Variants in FGF14 observed in about 807,000 individuals in gnomAD.
The protein encoded by FGF14 is fibroblast growth factor homologous factor 4.
Under a neutral mutation model 25.5 loss-of-function variants are expected in FGF14, and 5 were observed. The observed-to-expected ratio is 0.20, with a 90% CI of 0.10 to 0.41. FGF14 has a LOEUF of 0.41. Ranked by LOEUF, FGF14 falls within the 10% of genes least tolerant of loss-of-function variation. FGF14 has a pLI of 1.00. For missense variants in FGF14, 222 were observed against 320.1 expected, an observed-to-expected ratio of 0.69 and a Z score of 2.34; for synonymous variants, 138 against 118.3, an observed-to-expected ratio of 1.17 and a Z score of -1.08.
At chr13:101,824,888 C>T (rs1335703260) in intron 3 of FGF14, among the ~76,000 whole-genome samples, 1 of 152,178 alleles carries the variant, frequency 6.6e-6, no homozygotes, top group African/African-American at 2.4e-5. Flanking sequence ...TGGAGAGCTT[C>T]CGGGTTGCTA....
At chr13:101,774,623 G>T (rs902192007) in intron 3 of FGF14, among the ~76,000 whole-genome samples, 17 of 152,136 alleles carry the variant, frequency 1.1e-4, no homozygotes, top group African/African-American at 4.1e-4. Flanking sequence ...TGTTTAAACA[G>T]CAGTGAATAT....
At chr13:102,247,635 TTG>T in intron 1 of FGF14, among the ~76,000 whole-genome samples, 1 of 152,296 alleles carries the variant, frequency 6.6e-6, no homozygotes, top group Admixed American at 6.5e-5. Context: ...TTATACACTG[TTG>T]GAGGAAGTAT....
At chr13:102,142,844 G>A (rs1242256311) in intron 1 of FGF14, among the ~76,000 whole-genome samples, 11 of 152,190 alleles carry the variant, frequency 7.2e-5, no homozygotes, top group Admixed American at 7.2e-4. Context: ...TAAACAAGGA[G>A]TTAATAGATG....
At chr13:101,771,778 C>G (rs2038788491) in intron 3 of FGF14, among the ~76,000 whole-genome samples, 1 of 151,682 alleles carries the variant, frequency 6.6e-6, no homozygotes, top group Non-Finnish European at 1.5e-5. Flanking sequence ...GTTTTAGATT[C>G]CTTTTTTTTG....
chr13:101,969,380 G>A (rs775677651), intron 1 of FGF14, among the ~76,000 whole-genome samples: 7 of 152,230 alleles, frequency 4.6e-5, no homozygotes, highest in South Asian at 2.1e-4. Flanking sequence ...TGGCTAACAC[G>A]GTGAATCCCC....
intron 1 of FGF14, among the ~76,000 whole-genome samples, chr13:102,102,005 GT>G (rs2044686572): frequency 6.6e-6 from 1 of 152,046 alleles, no homozygotes; most frequent in Non-Finnish European, 1.5e-5. Flanking sequence ...ACCCAGCCTA[GT>G]TTTCCTTTAT....
At chr13:101,858,654 C>T (rs913035402) in intron 3 of FGF14, among the ~76,000 whole-genome samples, 1 of 152,002 alleles carries the variant, frequency 6.6e-6, no homozygotes, top group African/African-American at 2.4e-5. Context: ...AATGTTGTTA[C>T]TATTTACAGT....
chr13:102,073,968 C>T (rs911282187), intron 1 of FGF14, among the ~76,000 whole-genome samples: 1 of 152,196 alleles, frequency 6.6e-6, no homozygotes, highest in South Asian at 2.1e-4. Flanking sequence ...TCTCTCTGCC[C>T]TTCCCAACAA....
At chr13:102,384,142 T>A (rs1364864804) in intron 1 of FGF14, among the ~76,000 whole-genome samples, 3 of 144,382 alleles carry the variant, frequency 2.1e-5, no homozygotes, top group African/African-American at 8.5e-5. Flanking sequence ...TGATTTATAA[T>A]TTTTTTTTGA....
intron 1 of FGF14, among the ~76,000 whole-genome samples, chr13:102,306,206 T>C (rs1217369486): frequency 6.6e-6 from 1 of 152,182 alleles, no homozygotes; most frequent in Admixed American, 6.5e-5. Flanking sequence ...ATTAGACAAA[T>C]ACTCTTCTTC....
chr13:102,059,426 T>A (rs899125346), intron 1 of FGF14, among the ~76,000 whole-genome samples: 6 of 152,196 alleles, frequency 3.9e-5, no homozygotes, highest in African/African-American at 1.4e-4. Flanking sequence ...TCACATGCTT[T>A]CTCAATAGCC....
At chr13:102,143,983 A>T (rs898938894) in intron 1 of FGF14, among the ~76,000 whole-genome samples, 1 of 152,118 alleles carries the variant, frequency 6.6e-6, no homozygotes, top group Non-Finnish European at 1.5e-5. Context: ...AATGCCCTCA[A>T]ATTTTAAAGC....
chr13:101,878,750 T>TA (rs1166259891), intron 1 of FGF14, among the ~76,000 whole-genome samples: 1 of 152,078 alleles, frequency 6.6e-6, no homozygotes, highest in Non-Finnish European at 1.5e-5. Context: ...GTTACTAGGA[T>TA]AAAAAATGAA....
chr13:101,863,967 G>A (rs3918326), intron 3 of FGF14, among the ~76,000 whole-genome samples: 40,077 of 151,890 alleles, frequency 0.26, 5,528 homozygotes, highest in South Asian at 0.35. Context: ...GAGGGCAGGT[G>A]AAACCACCTT....
intron 3 of FGF14, among the ~76,000 whole-genome samples, chr13:101,795,275 CTGCCCT>C (rs71689628): frequency 0.024 from 3,596 of 152,184 alleles, 131 homozygotes; most frequent in African/African-American, 0.082. Flanking sequence ...TTGCCAAATG[CTGCCCT>C]AAGCTGTTGT....
At chr13:101,776,832 TG>T (rs962742552) in intron 3 of FGF14, among the ~76,000 whole-genome samples, 36 of 152,232 alleles carry the variant, frequency 2.4e-4, no homozygotes, top group Non-Finnish European at 4.4e-5. Flanking sequence ...TTCTGGAGGC[TG>T]GGAAGTTCAA....
At chr13:101,971,840 T>G (rs966852397) in intron 1 of FGF14, among the ~76,000 whole-genome samples, 2 of 152,230 alleles carry the variant, frequency 1.3e-5, no homozygotes, top group African/African-American at 4.8e-5. Context: ...CTGTCCCTTA[T>G]AAAATCAAGT....
intron 1 of FGF14, among the ~76,000 whole-genome samples, chr13:101,881,513 C>G (rs1047885377): frequency 2.8e-4 from 43 of 152,012 alleles, no homozygotes; most frequent in African/African-American, 1.0e-3. Flanking sequence ...AAATTAAATC[C>G]TAAATATCAA....
At chr13:101,994,910 T>C (rs1289857998) in intron 1 of FGF14, among the ~76,000 whole-genome samples, 1 of 152,096 alleles carries the variant, frequency 6.6e-6, no homozygotes, top group Non-Finnish European at 1.5e-5. Context: ...AGGCGTTACA[T>C]ATGCATACAT....
Sources: allele counts gnomAD v4.1 joint callset (sites outside exome capture counted in the v4.1 genomes callset), GRCh38; gene constraint gnomAD v4.1.1; transcripts MANE v1.5; gene names NCBI Gene and HGNC (gene_info 2026-07-23, HGNC 2026-07-21).